The following RBPJ variants were observed in gnomAD, a reference collection of about 807,000 sequenced individuals.
RBPJ encodes recombination signal binding protein for immunoglobulin kappa J region.
In RBPJ, 9 loss-of-function variants were observed where a neutral mutation model predicts 67.8. The observed-to-expected ratio is 0.13, with a 90% CI of 0.08 to 0.23. The LOEUF is 0.23. RBPJ is among the 10% of genes least tolerant of loss of function. The probability of loss-of-function intolerance (pLI) is 1.00; values close to 1 mark genes in which losing one functional copy is unlikely to be tolerated. For synonymous variants in RBPJ, 198 were observed against 203.3 expected, an observed-to-expected ratio of 0.97 and a Z score of 0.22; for missense variants, 305 against 595.6, an observed-to-expected ratio of 0.51 and a Z score of 5.08.
chr4:26,256,374 A>C (rs575246447), intron 1 of RBPJ, among the ~76,000 whole-genome samples: 2 of 152,330 alleles, frequency 1.3e-5, no homozygotes, highest in South Asian at 4.1e-4. Context: ...AAACTTTATA[A>C]GGTTTCTTCA....
Position 26,328,798 on chromosome 4 carries a change from G to A in RBPJ, c.20+7750G>A, listed in dbSNP as rs1343643944. 5.3e-5 allele frequency among the ~76,000 whole-genome samples: 8 copies of A among 152,012 alleles called. No homozygotes were observed. In the East Asian group the frequency reaches 1.5e-3, roughly 29 times the overall value. On this transcript the variant is annotated intron_variant, in intron 1 of 10. Coordinates refer to ENST00000355476, the MANE Select transcript of RBPJ (RefSeq NM_015874.6). ...TGTGTGCCACCAAACCCAGGTGTGC[G>A]CCAGCAACCCCAGCTAATTTAAAAC...
At chr4:26,319,677 G>A, upstream of RBPJ, 1 of 657,684 alleles carries the variant, frequency 1.5e-6, no homozygotes, top group Non-Finnish European at 2.8e-6. Flanking sequence ...AAGGCGGTGG[G>A]AAGGAGGTGT....
At chr4:26,127,682 G>T in the RBPJ span, among the ~76,000 whole-genome samples, 7 of 152,190 alleles carry the variant, frequency 4.6e-5, no homozygotes, top group African/African-American at 7.2e-5. Context: ...TCCCAGGAAG[G>T]TTCCCCATAG....
the RBPJ span, among the ~76,000 whole-genome samples, chr4:26,153,863 G>T: frequency 6.6e-6 from 1 of 152,062 alleles, no homozygotes; most frequent in African/African-American, 2.4e-5. Context: ...CAGGAGAATC[G>T]CTTGAACCCA....
At chr4:26,240,960 T>C (rs6825083) in intron 1 of RBPJ, among the ~76,000 whole-genome samples, 16 of 152,100 alleles carry the variant, frequency 1.1e-4, no homozygotes, top group African/African-American at 3.6e-4. Context: ...TACTTTATAA[T>C]TGGCAACAAC....
intron 1 of RBPJ, among the ~76,000 whole-genome samples, chr4:26,183,106 T>A (rs1717075204): frequency 6.6e-6 from 1 of 152,236 alleles, no homozygotes; most frequent in African/African-American, 2.4e-5. Flanking sequence ...GTCAATTTAT[T>A]ATTATCAAGC....
At chr4:26,255,074 A>G (rs1296059191) in intron 1 of RBPJ, among the ~76,000 whole-genome samples, 1 of 144,364 alleles carries the variant, frequency 6.9e-6, no homozygotes, top group Non-Finnish European at 1.5e-5. Flanking sequence ...TGCTATATAA[A>G]CACTTCTGTT....
the RBPJ span, among the ~76,000 whole-genome samples, chr4:26,145,028 C>CTTT: frequency 4.0e-4 from 58 of 146,724 alleles, no homozygotes; most frequent in African/African-American, 1.5e-3. Context: ...TCTTCTTCTT[C>CTTT]TTTTTTTTTT....
chr4:26,400,116 GCACCTGTAATAT>G (rs1732617807), intron 2 of RBPJ, among the ~76,000 whole-genome samples: 1 of 152,014 alleles, frequency 6.6e-6, no homozygotes, highest in Non-Finnish European at 1.5e-5. Context: ...GGATTCTTCA[GCACCTGTAATAT>G]GTTTTTCCAA....
the RBPJ span, among the ~76,000 whole-genome samples, chr4:26,106,221 G>A: frequency 6.6e-6 from 1 of 152,210 alleles, no homozygotes; most frequent in East Asian, 1.9e-4. Flanking sequence ...ACAGCAGAGG[G>A]TCAGAAAGTC....
chr4:26,323,687 C>T (rs1035400471), intron 1 of RBPJ, among the ~76,000 whole-genome samples: 8 of 152,090 alleles, frequency 5.3e-5, no homozygotes, highest in Admixed American at 2.0e-4. Flanking sequence ...AAAAAGTTAT[C>T]TGTTGTCCTA....
At chr4:26,261,560 A>T (rs565895577) in intron 1 of RBPJ, among the ~76,000 whole-genome samples, 2 of 152,196 alleles carry the variant, frequency 1.3e-5, no homozygotes, top group East Asian at 1.9e-4. Flanking sequence ...AATTATTCCA[A>T]ATGAAATCAG....
At chr4:26,362,367 C>A in intron 1 of RBPJ, 1 of 792,498 alleles carries the variant, frequency 1.3e-6, no homozygotes, top group Non-Finnish European at 1.8e-6. Flanking sequence ...TTTTCTTAGT[C>A]ATGGCAGCAG....
chr4:26,207,035 G>A (rs1718194346), intron 1 of RBPJ, among the ~76,000 whole-genome samples: 1 of 152,100 alleles, frequency 6.6e-6, no homozygotes, highest in Non-Finnish European at 1.5e-5. Flanking sequence ...CCTTTTCCAG[G>A]TTTAGATTCA....
chr4:26,108,781 G>T, the RBPJ span, among the ~76,000 whole-genome samples: 3 of 152,172 alleles, frequency 2.0e-5, no homozygotes, highest in South Asian at 6.2e-4. Context: ...AATGAACTGG[G>T]CAGTAAAGTA....
chr4:26,156,856 G>A, the RBPJ span, among the ~76,000 whole-genome samples: 2 of 151,834 alleles, frequency 1.3e-5, no homozygotes, highest in South Asian at 4.2e-4. Context: ...GATTGCTTGA[G>A]CCCAGGAATT....
At chr4:26,124,992 T>C in the RBPJ span, among the ~76,000 whole-genome samples, 233 of 152,238 alleles carry the variant, frequency 1.5e-3, 1 homozygote, top group African/African-American at 5.4e-3. Context: ...ACCCCTAAGA[T>C]GTTGTCTTCG....
rs56297019 is a variant in RBPJ at position 26,182,001 on chromosome 4, T to C, written c.-167+18387T>C. ...GTTTTCTTCAATAATCAATTAACTT[T>C]AGCTTACTGCAACTTTTTACATGTT... On this transcript the variant is annotated intron_variant, in intron 1 of 4. Coordinates refer to the RBPJ transcript ENST00000512351. Among the ~76,000 whole-genome samples, 1,442 of 152,350 alleles carry C rather than the reference T, an allele frequency of 9.5e-3. 24 individuals carry two copies. Among genetic ancestry groups the C allele is most frequent in the African/African-American group, 0.033 (1,392 of 41,574 alleles).
chr4:26,243,795 T>C (rs530483245), intron 1 of RBPJ, among the ~76,000 whole-genome samples: 1 of 152,248 alleles, frequency 6.6e-6, no homozygotes, highest in East Asian at 1.9e-4. Context: ...TTAAAAGCTA[T>C]TAATATACTC....
Sources: gnomAD v4.1 joint callset for allele counts (sites outside exome capture counted in the v4.1 genomes callset) on GRCh38, gnomAD v4.1.1 for gene constraint, MANE v1.5 for transcripts, NCBI Gene and HGNC (gene_info 2026-07-23, HGNC 2026-07-21) for gene names.